The following SHANK2 variants were observed in gnomAD, a reference collection of about 807,000 sequenced individuals.
SHANK2 encodes SH3 and multiple ankyrin repeat domains protein 2.
A neutral mutation model predicts 133.7 loss-of-function variants in SHANK2; 43 were observed. The ratio of observed to expected loss-of-function variants is 0.32; its 90% CI spans 0.25 to 0.41. SHANK2 has a LOEUF of 0.41. Ranked by LOEUF, SHANK2 falls within the 10% of genes least tolerant of loss-of-function variation. SHANK2 has a pLI of 1.00. For missense variants in SHANK2, 1,994 were observed against 2,235.8 expected (o/e 0.89, Z 2.18); for synonymous variants, 1,017 against 952.8 (o/e 1.07, Z -1.24).
intron 14 of SHANK2, among the ~76,000 whole-genome samples, chr11:70,775,388 G>A (rs1011987926): frequency 5.3e-5 from 8 of 152,264 alleles, no homozygotes; most frequent in African/African-American, 1.4e-4. Flanking sequence ...CCTGGGAGGC[G>A]GAGGTTGCAG....
At chr11:70,741,234 TCC>T (rs1555034691) in intron 14 of SHANK2, among the ~76,000 whole-genome samples, 1 of 45,354 alleles carries the variant, frequency 2.2e-5, no homozygotes, top group African/African-American at 8.5e-5. Context: ...TAACCATGCA[TCC>T]ATCCATCCAT....
intron 9 of SHANK2, among the ~76,000 whole-genome samples, chr11:71,067,779 C>A (rs1951085940): frequency 6.6e-6 from 1 of 152,060 alleles, no homozygotes; most frequent in South Asian, 2.1e-4. Flanking sequence ...TCACTGCCAT[C>A]ATCACCACCA....
intron 11 of SHANK2, among the ~76,000 whole-genome samples, chr11:70,869,098 A>G (rs1248639806): frequency 6.6e-6 from 1 of 152,174 alleles, no homozygotes; most frequent in Non-Finnish European, 1.5e-5. Context: ...GGACACAGAC[A>G]TACAGAGGGA....
chr11:70,543,910 A>C (rs925258014), intron 17 of SHANK2, among the ~76,000 whole-genome samples: 6 of 152,070 alleles, frequency 3.9e-5, no homozygotes, highest in Non-Finnish European at 7.4e-5. Flanking sequence ...GTCCGAGGGA[A>C]CCGATTGCTT....
intron 12 of SHANK2, among the ~76,000 whole-genome samples, chr11:70,819,643 A>G (rs555890415): frequency 1.3e-5 from 2 of 152,158 alleles, no homozygotes; most frequent in Non-Finnish European, 2.9e-5. Flanking sequence ...GACCACAGGC[A>G]GTTCCCAAAG....
chr11:70,540,809 A>G (rs1300923343), intron 17 of SHANK2, among the ~76,000 whole-genome samples: 1 of 142,132 alleles, frequency 7.0e-6, no homozygotes, highest in Non-Finnish European at 1.5e-5. Flanking sequence ...AAATCACGCC[A>G]CTGCACTCCA....
chr11:71,243,639 G>A (rs1374317174), intron 1 of SHANK2, among the ~76,000 whole-genome samples: 1 of 152,174 alleles, frequency 6.6e-6, no homozygotes, highest in Non-Finnish European at 1.5e-5. Flanking sequence ...AGCTTGCAGT[G>A]AGCTGAGATC....
chr11:70,562,154 A>C (rs1252889200), intron 17 of SHANK2, among the ~76,000 whole-genome samples: 1 of 152,226 alleles, frequency 6.6e-6, no homozygotes, highest in Admixed American at 6.5e-5. Flanking sequence ...TTTTGGTTAG[A>C]GCTCACATCT....
At chr11:70,603,883 G>A (rs1272423308) in intron 17 of SHANK2, 5 of 152,748 alleles carry the variant, frequency 3.3e-5, no homozygotes, top group African/African-American at 4.8e-5. Flanking sequence ...GGAATGCTGA[G>A]CAGATGGTGC....
chr11:70,752,287 A>T (rs957779844), intron 14 of SHANK2, among the ~76,000 whole-genome samples: 19 of 152,178 alleles, frequency 1.2e-4, no homozygotes, highest in Admixed American at 2.0e-4. Flanking sequence ...CAACATAGGG[A>T]GGTTAAAAAC....
chr11:70,677,592 T>C (rs1172181846), intron 15 of SHANK2, among the ~76,000 whole-genome samples: 8 of 152,092 alleles, frequency 5.3e-5, no homozygotes, highest in Admixed American at 1.3e-4. Context: ...CCCTGCTCAT[T>C]GCACCCACCC....
intron 15 of SHANK2, among the ~76,000 whole-genome samples, chr11:70,696,870 C>T (rs1325000312): frequency 3.3e-5 from 5 of 152,198 alleles, no homozygotes; most frequent in East Asian, 3.8e-4. Flanking sequence ...CCTGTGCTCA[C>T]TGATGGATAA....
At chr11:70,808,021 A>G (rs920971149) in intron 12 of SHANK2, among the ~76,000 whole-genome samples, 3 of 151,954 alleles carry the variant, frequency 2.0e-5, no homozygotes, top group Admixed American at 6.6e-5. Flanking sequence ...GAGAATGGGG[A>G]GTGAGGGTTC....
At chr11:70,746,204 G>A (rs1431351347) in intron 14 of SHANK2, among the ~76,000 whole-genome samples, 4 of 152,358 alleles carry the variant, frequency 2.6e-5, no homozygotes, top group South Asian at 2.1e-4. Context: ...GCTGGGTAGC[G>A]TGCCCAGCCA....
At chr11:70,614,775 T>C (rs536926112) in intron 17 of SHANK2, among the ~76,000 whole-genome samples, 4 of 152,236 alleles carry the variant, frequency 2.6e-5, no homozygotes, top group Non-Finnish European at 5.9e-5. Context: ...TCCAAGAGTC[T>C]GTGTGCTCCT....
intron 11 of SHANK2, among the ~76,000 whole-genome samples, chr11:70,832,007 C>T (rs1410445140): frequency 6.6e-6 from 1 of 152,210 alleles, no homozygotes; most frequent in South Asian, 2.1e-4. Flanking sequence ...CACCCGAGCT[C>T]GTGTTTGAAG....
At chr11:70,808,313 T>G (rs1434096921) in intron 12 of SHANK2, among the ~76,000 whole-genome samples, 1 of 152,092 alleles carries the variant, frequency 6.6e-6, no homozygotes, top group East Asian at 1.9e-4. Flanking sequence ...GCGATTCTCC[T>G]GCCTCAGCCT....
In SHANK2 at chr11:71,163,093, A is replaced by AAAATATATAT; in HGVS notation, c.-12-15756_-12-15755insATATATATTT. On this transcript the variant is annotated intron_variant, in intron 2 of 25. Coordinates refer to ENST00000601538, the MANE Select transcript of SHANK2 (RefSeq NM_012309.5). ...GTCTAAAAAAAAAAAAAAAAAAAAA[A>AAAATATATAT]ATACATATATATATATATACAGAAT... 1.3e-4 allele frequency among the ~76,000 whole-genome samples: 11 copies of AAAATATATAT among 84,708 alleles called. 1 individual carries two copies. Among genetic ancestry groups the AAAATATATAT allele is most frequent in the African/African-American group, 4.1e-4 (9 of 21,790 alleles). The allele number at this position is 84,708 out of a possible 152,430, so 55.6% of individuals were successfully genotyped here. A position where few individuals can be genotyped will look rare whatever the true frequency, so the allele number is the denominator to read the frequency against.
At chr11:70,630,007 G>C (rs910295450) in intron 17 of SHANK2, among the ~76,000 whole-genome samples, 1 of 152,226 alleles carries the variant, frequency 6.6e-6, no homozygotes, top group Non-Finnish European at 1.5e-5. Flanking sequence ...AGACAGGAGA[G>C]GACATCGTCT....
Sources: allele counts gnomAD v4.1 joint callset (sites outside exome capture counted in the v4.1 genomes callset), GRCh38; gene constraint gnomAD v4.1.1; transcripts MANE v1.5; gene names NCBI Gene and HGNC (gene_info 2026-07-23, HGNC 2026-07-21).